The following WWOX variants were observed in gnomAD, a reference collection of about 807,000 sequenced individuals.
WWOX encodes the protein WW domain-containing oxidoreductase.
In WWOX, 69 loss-of-function variants were observed where a neutral mutation model predicts 46.2. The observed-to-expected ratio is 1.49, with a 90% CI of 1.23 to 1.82. The LOEUF (loss-of-function observed/expected upper bound fraction) is 1.82. Ranked by LOEUF, WWOX falls within the 40% of genes most tolerant of loss-of-function variation. WWOX has a pLI of 0.00. For missense variants in WWOX, 919 were observed against 542.6 expected (o/e 1.69, Z -6.89); for synonymous variants, 359 against 202.6 (o/e 1.77, Z -6.56).
At chr16:78,501,736 C>T (rs886956688) in intron 8 of WWOX, among the ~76,000 whole-genome samples, 6 of 152,070 alleles carry the variant, frequency 3.9e-5, no homozygotes, top group Non-Finnish European at 7.4e-5. Flanking sequence ...AGAGTTTCAC[C>T]ATGTTGGCCA....
intron 8 of WWOX, among the ~76,000 whole-genome samples, chr16:78,957,823 G>T (rs964943045): frequency 2.6e-5 from 4 of 152,190 alleles, no homozygotes; most frequent in Admixed American, 6.5e-5. Flanking sequence ...CCCTGCGCTG[G>T]TGCGGCTGGC....
chr16:78,582,035 T>A (rs2045069035), intron 8 of WWOX, among the ~76,000 whole-genome samples: 1 of 152,172 alleles, frequency 6.6e-6, no homozygotes, highest in Non-Finnish European at 1.5e-5. Flanking sequence ...AAGGCAAAGA[T>A]CATTTTCAGG....
At chr16:79,068,608 T>G (rs1384796413) in intron 8 of WWOX, among the ~76,000 whole-genome samples, 2 of 151,552 alleles carry the variant, frequency 1.3e-5, no homozygotes, top group Non-Finnish European at 2.9e-5. Context: ...GTTCGAGACC[T>G]GGGCAACATG....
intron 8 of WWOX, among the ~76,000 whole-genome samples, chr16:79,140,661 T>C (rs956438685): frequency 2.0e-5 from 3 of 152,226 alleles, no homozygotes; most frequent in Non-Finnish European, 4.4e-5. Context: ...CCCAATTCTC[T>C]AGATCTGGAT....
At chr16:78,493,966 C>G (rs1357447199) in intron 8 of WWOX, among the ~76,000 whole-genome samples, 3 of 152,186 alleles carry the variant, frequency 2.0e-5, no homozygotes, top group Non-Finnish European at 4.4e-5. Context: ...GATTCTCACA[C>G]TGCTATAAAG....
intron 8 of WWOX, among the ~76,000 whole-genome samples, chr16:78,545,966 A>G (rs554158929): frequency 6.6e-6 from 1 of 152,238 alleles, no homozygotes; most frequent in South Asian, 2.1e-4. Flanking sequence ...TTTGTCTTGA[A>G]ATACAGTCAC....
intron 5 of WWOX, among the ~76,000 whole-genome samples, chr16:78,334,808 G>GCACACACACACACACACA (rs752956790): frequency 1.3e-5 from 1 of 78,754 alleles, no homozygotes; most frequent in East Asian, 2.4e-4. Context: ...ACACACACAC[G>GCACACACACACACACACA]CACACACACA....
chr16:78,587,845 T>G (rs540891850), intron 8 of WWOX, among the ~76,000 whole-genome samples: 66 of 152,346 alleles, frequency 4.3e-4, no homozygotes, highest in Non-Finnish European at 6.9e-4. Context: ...GAATGCCAAT[T>G]CCTTGCTGTC....
chr16:78,140,231 C>T (rs761139828), intron 4 of WWOX, among the ~76,000 whole-genome samples: 18 of 152,104 alleles, frequency 1.2e-4, no homozygotes, highest in Non-Finnish European at 2.5e-4. Flanking sequence ...TACAGTCCAC[C>T]CCCTGCACCA....
intron 8 of WWOX, among the ~76,000 whole-genome samples, chr16:78,659,113 CA>C (rs78729297): frequency 2.4e-4 from 34 of 143,012 alleles, no homozygotes; most frequent in Middle Eastern, 3.5e-3. Context: ...AACAAACAAA[CA>C]AAAAAAAAAC....
intron 5 of WWOX, among the ~76,000 whole-genome samples, chr16:78,218,957 C>G (rs553459870): frequency 6.6e-6 from 1 of 152,222 alleles, no homozygotes; most frequent in Non-Finnish European, 1.5e-5. Context: ...AATTTGAAAA[C>G]TTATCACTTA....
chr16:78,784,827 C>T (rs985655047), intron 8 of WWOX, among the ~76,000 whole-genome samples: 3 of 152,106 alleles, frequency 2.0e-5, no homozygotes, highest in African/African-American at 7.2e-5. Context: ...CAAGGATCCC[C>T]AAGGGATACT....
chr16:78,855,844 G>T (rs1037084680), intron 8 of WWOX, among the ~76,000 whole-genome samples: 29 of 152,174 alleles, frequency 1.9e-4, no homozygotes, highest in African/African-American at 6.8e-4. Flanking sequence ...GTCAGATTCT[G>T]TGTGAAGCCC....
intron 3 of WWOX, among the ~76,000 whole-genome samples, chr16:78,112,554 T>C (rs770091194): frequency 6.6e-6 from 1 of 152,090 alleles, no homozygotes; most frequent in Non-Finnish European, 1.5e-5. Flanking sequence ...TGTCTAGCAG[T>C]TGGATAGGTG....
intron 8 of WWOX, among the ~76,000 whole-genome samples, chr16:78,564,888 T>C (rs1206789602): frequency 6.6e-6 from 1 of 152,208 alleles, no homozygotes; most frequent in East Asian, 1.9e-4. Context: ...CACTCTTGAC[T>C]CTTCTCTAGT....
chr16:78,889,224 T>C (rs1033079233), intron 8 of WWOX, among the ~76,000 whole-genome samples: 7 of 152,170 alleles, frequency 4.6e-5, no homozygotes, highest in Non-Finnish European at 7.3e-5. Context: ...TTAAGTAAAA[T>C]TTTATTAAAA....
At chr16:78,293,978 G>GAAAAAAA (rs35079271) in intron 5 of WWOX, among the ~76,000 whole-genome samples, 8 of 30,314 alleles carry the variant, frequency 2.6e-4, no homozygotes, top group East Asian at 9.6e-4. Flanking sequence ...CTCTGTCTCA[G>GAAAAAAA]AAAAAAAAAA....
At chr16:78,292,958 C>T (rs140882068) in intron 5 of WWOX, among the ~76,000 whole-genome samples, 26 of 152,288 alleles carry the variant, frequency 1.7e-4, no homozygotes, top group African/African-American at 5.5e-4. Flanking sequence ...AGACACCTCC[C>T]CTCCCCACCC....
At chr16:79,133,819 C>G (rs1220156925) in intron 8 of WWOX, among the ~76,000 whole-genome samples, 1 of 152,146 alleles carries the variant, frequency 6.6e-6, no homozygotes, top group South Asian at 2.1e-4. Flanking sequence ...AATGAAATGA[C>G]ATTGGTCAAT....
Sources: allele counts gnomAD v4.1 joint callset (sites outside exome capture counted in the v4.1 genomes callset), GRCh38; gene constraint gnomAD v4.1.1; transcripts MANE v1.5; gene names NCBI Gene and HGNC (gene_info 2026-07-23, HGNC 2026-07-21).